C12orf42: variants seen among roughly 807,000 people sequenced by gnomAD.
C12orf42 encodes uncharacterized protein C12orf42.
In C12orf42, 25 loss-of-function variants were observed where a neutral mutation model predicts 21.6. The ratio of observed to expected loss-of-function variants is 1.16; its 90% CI spans 0.84 to 1.62. The LOEUF is 1.62. Ranked by LOEUF, C12orf42 falls within the 40% of genes most tolerant of loss-of-function variation. The probability of loss-of-function intolerance (pLI) is 0.00; values close to 1 mark genes in which losing one functional copy is unlikely to be tolerated. For missense variants in C12orf42, 483 were observed against 459.3 expected, an observed-to-expected ratio of 1.05 and a Z score of -0.47; for synonymous variants, 174 against 175.0, an observed-to-expected ratio of 0.99 and a Z score of 0.05.
chr12:103,064,426 G>T, the C12orf42 span, among the ~76,000 whole-genome samples: 1 of 152,136 alleles, frequency 6.6e-6, no homozygotes, highest in Admixed American at 6.5e-5. Flanking sequence ...TAGAGTTCTG[G>T]CATTGACTAA....
intron 2 of C12orf42, among the ~76,000 whole-genome samples, chr12:103,406,441 G>A (rs543044419): frequency 5.9e-5 from 9 of 152,188 alleles, no homozygotes; most frequent in African/African-American, 2.2e-4. Flanking sequence ...CAGAAATTAA[G>A]CAATAGAGGA....
the C12orf42 span, among the ~76,000 whole-genome samples, chr12:103,501,406 C>A: frequency 1.3e-5 from 2 of 152,332 alleles, no homozygotes; most frequent in Non-Finnish European, 2.9e-5. Context: ...GGATGAACAG[C>A]CTCCACTGCT....
At chr12:103,232,341 G>A in the C12orf42 span, among the ~76,000 whole-genome samples, 1 of 151,866 alleles carries the variant, frequency 6.6e-6, no homozygotes, top group East Asian at 1.9e-4. Flanking sequence ...TTCTTTTATG[G>A]ATTGTGCGTT....
At chr12:103,281,064 C>T (rs1026882169) in intron 4 of C12orf42, among the ~76,000 whole-genome samples, 4 of 152,194 alleles carry the variant, frequency 2.6e-5, no homozygotes, top group Non-Finnish European at 5.9e-5. Flanking sequence ...AAATAAAATG[C>T]TAATACTTCA....
At chr12:103,506,835 T>TTA in the C12orf42 span, among the ~76,000 whole-genome samples, 27 of 69,796 alleles carry the variant, frequency 3.9e-4, no homozygotes, top group Non-Finnish European at 5.4e-4. Flanking sequence ...TATTTATATA[T>TTA]TATATATATA....
At chr12:103,269,596 C>A (rs945630583) in intron 6 of C12orf42, among the ~76,000 whole-genome samples, 1 of 152,128 alleles carries the variant, frequency 6.6e-6, no homozygotes, top group Admixed American at 6.5e-5. Context: ...TCACCACTGG[C>A]AATGGACTAT....
the C12orf42 span, among the ~76,000 whole-genome samples, chr12:103,119,882 C>T: frequency 6.6e-6 from 1 of 152,222 alleles, no homozygotes; most frequent in South Asian, 2.1e-4. Flanking sequence ...TCAATCCAAG[C>T]TTGGCCTTTG....
At chr12:103,077,184 A>G in the C12orf42 span, among the ~76,000 whole-genome samples, 5 of 152,182 alleles carry the variant, frequency 3.3e-5, no homozygotes, top group Non-Finnish European at 7.3e-5. Context: ...AAGATAATTG[A>G]AGATATAATT....
the C12orf42 span, among the ~76,000 whole-genome samples, chr12:103,150,410 T>C: frequency 2.6e-5 from 4 of 152,216 alleles, no homozygotes; most frequent in Admixed American, 2.6e-4. Flanking sequence ...TCTAGAAAAC[T>C]GAAGCACTTC....
chr12:103,418,650 C>T (rs563723308), intron 2 of C12orf42, among the ~76,000 whole-genome samples: 11 of 151,932 alleles, frequency 7.2e-5, no homozygotes, highest in African/African-American at 2.7e-4. Context: ...TCCTGTATCG[C>T]CTTGTTGAAA....
intron 5 of C12orf42, among the ~76,000 whole-genome samples, chr12:103,271,637 A>G (rs1286954217): frequency 6.6e-6 from 1 of 152,174 alleles, no homozygotes; most frequent in Non-Finnish European, 1.5e-5. Flanking sequence ...GGAAGCTGAG[A>G]AAAATATTAA....
intron 1 of C12orf42, among the ~76,000 whole-genome samples, chr12:103,486,182 A>T (rs150158309): frequency 2.3e-4 from 35 of 152,324 alleles, no homozygotes; most frequent in African/African-American, 8.2e-4. Flanking sequence ...TTTAGCACGA[A>T]GCGCTGTTGA....
At chr12:103,218,086 T>A in the C12orf42 span, among the ~76,000 whole-genome samples, 1 of 151,942 alleles carries the variant, frequency 6.6e-6, no homozygotes, top group Non-Finnish European at 1.5e-5. Flanking sequence ...TTCGAGACTA[T>A]CCTGGCCAAC....
the C12orf42 span, chr12:103,505,984 C>A: frequency 5.5e-6 from 1 of 182,164 alleles, no homozygotes; most frequent in South Asian, 1.1e-4. Context: ...GGCGGGATAC[C>A]TCAGACCGGA....
At chr12:103,084,968 C>A in the C12orf42 span, among the ~76,000 whole-genome samples, 1 of 151,952 alleles carries the variant, frequency 6.6e-6, no homozygotes, top group African/African-American at 2.4e-5. Context: ...ACCAAGAGGG[C>A]CAAATAATAA....
chr12:103,167,914 T>TGTG, the C12orf42 span: 30 of 216,412 alleles, frequency 1.4e-4, no homozygotes, highest in African/African-American at 1.1e-3. Flanking sequence ...GTGTGTGTGT[T>TGTG]TGTGTCTGTG....
At chr12:103,053,247 T>C in the C12orf42 span, among the ~76,000 whole-genome samples, 2 of 152,010 alleles carry the variant, frequency 1.3e-5, no homozygotes, top group African/African-American at 4.8e-5. Flanking sequence ...GGAACTTTTA[T>C]GCAGTTTTCC....
intron 3 of C12orf42, among the ~76,000 whole-genome samples, chr12:103,394,902 A>G (rs555476363): frequency 3.3e-5 from 5 of 152,234 alleles, no homozygotes; most frequent in African/African-American, 4.8e-5. Flanking sequence ...TCCAGAGAAA[A>G]GCAAGGTCAT....
chr12:103,315,459 T>C lies in C12orf42; in HGVS notation c.260-9114A>G, dbSNP rs565801167. ...TGCCTTCAATGGGTTCATCTGTAGTTTGGAAATGGCCAAAGAATCAGTGAA... is the reference window on the plus strand; with the variant it reads ...TGCCTTCAATGGGTTCATCTGTAGTCTGGAAATGGCCAAAGAATCAGTGAA... On this transcript the variant is annotated intron_variant, in intron 4 of 5. Coordinates refer to ENST00000548883, the MANE Select transcript of C12orf42 (RefSeq NM_198521.5). 2.2e-4 allele frequency among the ~76,000 whole-genome samples: 33 copies of C among 152,296 alleles called. 1 individual carries two copies. The South Asian group carries it at 6.2e-3, about 29-fold the overall frequency.
Sources: gnomAD v4.1 joint callset for allele counts (sites outside exome capture counted in the v4.1 genomes callset) on GRCh38, gnomAD v4.1.1 for gene constraint, MANE v1.5 for transcripts, NCBI Gene and HGNC (gene_info 2026-07-23, HGNC 2026-07-21) for gene names.